The following GALNT13 variants were observed in gnomAD, a reference collection of about 807,000 sequenced individuals.
The protein encoded by GALNT13 is UDP-GalNAc:polypeptide N-acetylgalactosaminyltransferase 13.
GALNT13 carries 28 observed loss-of-function variants against 64.2 expected under a neutral mutation model. The observed-to-expected ratio is 0.44, with a 90% CI of 0.32 to 0.60. The LOEUF (loss-of-function observed/expected upper bound fraction) is 0.60. Ranked by LOEUF, GALNT13 falls within the 20% of genes least tolerant of loss-of-function variation. The pLI, the probability that GALNT13 is intolerant of heterozygous loss-of-function variation, is 0.05. For synonymous variants in GALNT13, 214 were observed against 224.6 expected, an observed-to-expected ratio of 0.95 and a Z score of 0.42; for missense variants, 577 against 669.8, an observed-to-expected ratio of 0.86 and a Z score of 1.53.
the GALNT13 span, among the ~76,000 whole-genome samples, chr2:153,670,800 C>G: frequency 2.0e-5 from 3 of 152,110 alleles, no homozygotes; most frequent in Non-Finnish European, 2.9e-5. Flanking sequence ...AGCTAAAAAC[C>G]TTGAAAGAAG....
At chr2:153,810,986 C>G in the GALNT13 span, among the ~76,000 whole-genome samples, 79 of 152,084 alleles carry the variant, frequency 5.2e-4, no homozygotes, top group Non-Finnish European at 1.0e-3. Context: ...GTCATTTAAC[C>G]TTTTTGAACC....
At chr2:153,124,298 CTG>C in the GALNT13 span, among the ~76,000 whole-genome samples, 1 of 152,184 alleles carries the variant, frequency 6.6e-6, no homozygotes, top group African/African-American at 2.4e-5. Flanking sequence ...AGAACTCGAG[CTG>C]TGTGTGGATT....
At chr2:153,270,287 C>T in the GALNT13 span, among the ~76,000 whole-genome samples, 1 of 151,402 alleles carries the variant, frequency 6.6e-6, no homozygotes, top group South Asian at 2.1e-4. Flanking sequence ...GTGGGCAAGA[C>T]AAAACTTCTG....
chr2:153,390,747 A>G, the GALNT13 span, among the ~76,000 whole-genome samples: 2 of 152,040 alleles, frequency 1.3e-5, no homozygotes, highest in Admixed American at 1.3e-4. Flanking sequence ...CAATCCATAC[A>G]TTTGAATGCT....
the GALNT13 span, among the ~76,000 whole-genome samples, chr2:153,356,880 C>A: frequency 7.0e-6 from 1 of 142,404 alleles, no homozygotes; most frequent in Admixed American, 7.5e-5. Context: ...TCACTGCACG[C>A]TCTGCCTGCC....
At chr2:154,268,887 T>C (rs569603459) in intron 8 of GALNT13, among the ~76,000 whole-genome samples, 1 of 152,292 alleles carries the variant, frequency 6.6e-6, no homozygotes, top group African/African-American at 2.4e-5. Context: ...CTTTTTATTA[T>C]AATTACCCTT....
chr2:153,110,499 T>C, the GALNT13 span, among the ~76,000 whole-genome samples: 1 of 152,156 alleles, frequency 6.6e-6, no homozygotes, highest in Non-Finnish European at 1.5e-5. Flanking sequence ...ATTCTAATGG[T>C]TAAACCTCAG....
At chr2:153,606,275 G>A in the GALNT13 span, among the ~76,000 whole-genome samples, 1 of 152,028 alleles carries the variant, frequency 6.6e-6, no homozygotes, top group Non-Finnish European at 1.5e-5. Flanking sequence ...TGCTCTGCAT[G>A]CGCTGAAAAC....
chr2:153,253,680 G>C, the GALNT13 span, among the ~76,000 whole-genome samples: 20 of 150,340 alleles, frequency 1.3e-4, no homozygotes, highest in Non-Finnish European at 2.1e-4. Flanking sequence ...TAGCATGAAG[G>C]GTTGTTGAAT....
the GALNT13 span, among the ~76,000 whole-genome samples, chr2:153,821,726 C>G: frequency 6.6e-6 from 1 of 152,044 alleles, no homozygotes; most frequent in Non-Finnish European, 1.5e-5. Flanking sequence ...AAACAAATAA[C>G]TAAAATCAGA....
the GALNT13 span, among the ~76,000 whole-genome samples, chr2:153,583,258 G>A: frequency 6.6e-6 from 1 of 152,116 alleles, no homozygotes; most frequent in Non-Finnish European, 1.5e-5. Flanking sequence ...AGCAAAAATT[G>A]TTTCAACATG....
At chr2:154,357,336 GGTGA>G in intron 9 of GALNT13, among the ~76,000 whole-genome samples, 1 of 152,074 alleles carries the variant, frequency 6.6e-6, no homozygotes, top group East Asian at 1.9e-4. Context: ...TTGTATTACT[GGTGA>G]GTATTAACCT....
the GALNT13 span, among the ~76,000 whole-genome samples, chr2:153,726,598 T>C: frequency 2.0e-5 from 3 of 152,324 alleles, no homozygotes; most frequent in African/African-American, 4.8e-5. Context: ...TTTAAAGATA[T>C]GTACGAATAA....
intron 2 of GALNT13, among the ~76,000 whole-genome samples, chr2:153,902,387 T>G (rs1405451486): frequency 6.6e-6 from 1 of 152,092 alleles, no homozygotes; most frequent in Non-Finnish European, 1.5e-5. Context: ...TAGTCCATGC[T>G]CCTAAATGTG....
intron 3 of GALNT13, among the ~76,000 whole-genome samples, chr2:153,971,480 A>T (rs1489843209): frequency 6.6e-6 from 1 of 152,148 alleles, no homozygotes; most frequent in African/African-American, 2.4e-5. Context: ...ATACTGAGTG[A>T]ATATTTGCTT....
chr2:153,401,193 C>T, the GALNT13 span, among the ~76,000 whole-genome samples: 1 of 152,124 alleles, frequency 6.6e-6, no homozygotes, highest in African/African-American at 2.4e-5. Flanking sequence ...ACCCAGTAGT[C>T]ATTCAGGAGC....
the GALNT13 span, among the ~76,000 whole-genome samples, chr2:153,698,710 C>G: frequency 3.9e-5 from 6 of 152,154 alleles, no homozygotes; most frequent in Non-Finnish European, 7.3e-5. Flanking sequence ...GTATTCAAGA[C>G]TTGAACTCAG....
chr2:153,922,304 C>A (rs992985184), intron 2 of GALNT13, among the ~76,000 whole-genome samples: 3 of 152,134 alleles, frequency 2.0e-5, no homozygotes, highest in Non-Finnish European at 4.4e-5. Flanking sequence ...CTACTGATTT[C>A]TTCTGATGTC....
chr2:153,821,269 C>T, the GALNT13 span, among the ~76,000 whole-genome samples: 6 of 152,114 alleles, frequency 3.9e-5, no homozygotes, highest in African/African-American at 9.7e-5. Context: ...ATACCCCACC[C>T]ATTAACCACA....
Sources: gnomAD v4.1 joint callset for allele counts (sites outside exome capture counted in the v4.1 genomes callset) on GRCh38, gnomAD v4.1.1 for gene constraint, MANE v1.5 for transcripts, NCBI Gene and HGNC (gene_info 2026-07-23, HGNC 2026-07-21) for gene names.